Variants in GAD1 observed in about 807,000 individuals in gnomAD.
GAD1 encodes the protein 67 kDa glutamic acid decarboxylase.
A neutral mutation model predicts 75.2 loss-of-function variants in GAD1; 35 were observed. The observed-to-expected ratio is 0.47, with a 90% confidence interval of 0.36 to 0.62. The LOEUF (loss-of-function observed/expected upper bound fraction) is 0.62. GAD1 is among the 20% of genes least tolerant of loss of function. The pLI is 0.00. For missense variants in GAD1, 490 were observed against 758.5 expected, an observed-to-expected ratio of 0.65 and a Z score of 4.16; for synonymous variants, 257 against 271.9, an observed-to-expected ratio of 0.95 and a Z score of 0.54.
intron 15 of GAD1, 68 bp from the exon 16 acceptor site, chr2:170,858,736 T>C (rs1702902390): frequency 1.4e-6 from 2 of 1,428,344 alleles, no homozygotes; most frequent in African/African-American, 1.4e-5. Flanking sequence ...AGGATGCATA[T>C]TGGTTTGGGA....
chr2:170,822,924 G>A (rs1656836689), intron 3 of GAD1, among the ~76,000 whole-genome samples: 1 of 152,252 alleles, frequency 6.6e-6, no homozygotes, highest in South Asian at 2.1e-4. Flanking sequence ...GGGAGCTGGA[G>A]AGGAGAAAGA....
At chr2:170,830,122 G>A (rs1274914167) in intron 4 of GAD1, among the ~76,000 whole-genome samples, 1 of 152,148 alleles carries the variant, frequency 6.6e-6, no homozygotes, top group African/African-American at 2.4e-5. Flanking sequence ...TGCTTTACCA[G>A]TCTCTCCCAA....
chr2:170,828,146 TCACC>T, intron 3 of GAD1, among the ~76,000 whole-genome samples: 1 of 142,336 alleles, frequency 7.0e-6, no homozygotes, highest in Non-Finnish European at 1.5e-5. Flanking sequence ...TCTGCTGTCC[TCACC>T]CTCCTCCCTC....
intron 5 of GAD1, among the ~76,000 whole-genome samples, chr2:170,834,430 A>G (rs2105784234): frequency 6.6e-6 from 1 of 150,512 alleles, no homozygotes; most frequent in Non-Finnish European, 1.5e-5. Context: ...GATGGCATTT[A>G]GAAATTTCTC....
chr2:170,831,737 A>T (rs1036541851), intron 5 of GAD1, among the ~76,000 whole-genome samples: 1 of 145,506 alleles, frequency 6.9e-6, no homozygotes, highest in African/African-American at 2.5e-5. Flanking sequence ...AATTATAAAT[A>T]ATAAATATAA....
Position 170,836,798 on chromosome 2 carries a change from C to A in GAD1, c.553C>A (p.Pro185Thr). 6.2e-7 allele frequency: 1 copy of A among 1,612,888 alleles called. No homozygotes were observed. The highest frequency in any genetic ancestry group is 1.1e-5 in the South Asian group (1 of 91,058). Reference protein sequence around the residue: ...TLKYGVRTGHPRFFNQLSTGL... With the variant: ...TLKYGVRTGHTRFFNQLSTGL... ...CTTTTCTGTTTCCTATCTAGGTCAT[C>A]CTCGATTTTTCAACCAGCTCTCCAC... Residue 185 changes from proline (P) to threonine (T), a missense_variant, in exon 6 of 17, where the codon CCT (proline) becomes ACT (threonine). This residue lies in a region of GAD1 where 324 missense variants were observed against 523.9 expected (regional missense o/e 0.62). Transcript: ENST00000358196.
Position 170,859,663 on chromosome 2 carries a change from G to A in GAD1, c.1612-46G>A, listed in dbSNP as rs777333175. 7 of 1,583,936 alleles carry A rather than the reference G, an allele frequency of 4.4e-6. No homozygotes were observed. In the East Asian group the frequency reaches 1.6e-4, roughly 35 times the overall value. ...TGGGTTGAATTGTTAAAAAGAGAGG[G>A]TGTTCATATCAATCTTGAGTTTTGT... On this transcript the variant is annotated intron_variant, in intron 16 of 16. Coordinates refer to ENST00000358196, the MANE Select transcript of GAD1 (RefSeq NM_000817.3).
At chr2:170,829,226 G>A (rs1702155383) in intron 3 of GAD1, 1 of 538,524 alleles carries the variant, frequency 1.9e-6, no homozygotes, top group African/African-American at 1.9e-5. Flanking sequence ...ATTCAGAGAG[G>A]AGAACGGGCT....
intron 5 of GAD1, among the ~76,000 whole-genome samples, chr2:170,831,473 G>A (rs1702221470): frequency 6.6e-6 from 1 of 151,654 alleles, no homozygotes; most frequent in African/African-American, 2.4e-5. Context: ...TTTTCATTCT[G>A]GCCAAGCACA....
At chr2:170,859,520 T>G (rs1702917531) in intron 16 of GAD1, among the ~76,000 whole-genome samples, 189 bp from the exon 17 acceptor site, 1 of 152,228 alleles carries the variant, frequency 6.6e-6, no homozygotes, top group South Asian at 2.1e-4. Context: ...GGTTGCACAG[T>G]ACTTTCTGAG....
chr2:170,840,211 G>A (rs763543359), intron 6 of GAD1, among the ~76,000 whole-genome samples: 5 of 152,166 alleles, frequency 3.3e-5, no homozygotes, highest in Non-Finnish European at 7.3e-5. Flanking sequence ...AGTGCCTAGC[G>A]TATACAAGGT....
At position 170,835,993 on chromosome 2, in the gene GAD1, G is replaced by C. The variant is rs149143010; in HGVS notation, c.548-800G>C. ...TGCAGAGACTGGTATCTTCTGATAT[G>C]AGAAGTCATAGTCCAGATGTTCTGA... On this transcript the variant is annotated intron_variant, in intron 5 of 16. Coordinates refer to ENST00000358196, the MANE Select transcript of GAD1 (RefSeq NM_000817.3). Among the ~76,000 whole-genome samples, 465 of 152,270 alleles carry C rather than the reference G, an allele frequency of 3.1e-3. 2 individuals are homozygous for C. Among genetic ancestry groups the C allele is most frequent in the Non-Finnish European group, 5.6e-3 (383 of 68,022 alleles).
chr2:170,845,387 G>A (rs2105799191), intron 7 of GAD1, 119 bp from the exon 8 acceptor site: 2 of 869,366 alleles, frequency 2.3e-6, no homozygotes, highest in East Asian at 4.9e-5. Flanking sequence ...AAACCTATCA[G>A]GATATTATCC....
At position 170,859,750 on chromosome 2, in the gene GAD1, G is replaced by A. The variant is rs1001118169; in HGVS notation, c.1653G>A (p.Thr551=). Residue 551 remains threonine (T), a synonymous_variant, in exon 17 of 17, where the codon ACG becomes ACA. Coordinates refer to ENST00000358196, the MANE Select transcript of GAD1 (RefSeq NM_000817.3). ...KIKALMMESG[T]TMVGYQPQGD... ...AAGCCCTGATGATGGAGTCAGGTAC[G>A]ACCATGGTTGGCTACCAGCCCCAAG... is the stretch of plus-strand genomic sequence containing the variant. The A allele has an allele frequency of 5.6e-6, 9 of 1,614,052 alleles. No individual in the cohort carries two copies. Among genetic ancestry groups the A allele is most frequent in the East Asian group, 2.2e-5 (1 of 44,894 alleles).
At chr2:170,827,145 C>A (rs893462501) in intron 3 of GAD1, among the ~76,000 whole-genome samples, 30 of 152,158 alleles carry the variant, frequency 2.0e-4, no homozygotes, top group Admixed American at 6.5e-5. Flanking sequence ...GCCCCTGGCT[C>A]CCTTGTGTGG....
Position 170,860,048 on chromosome 2 carries a change from C to A in GAD1, c.*166C>A. ...CTTAAAGCTTGTTTGTTCTAGTTAGCAGGAAATAGTGTTCTTTTTAAAAAG... is the reference window on the plus strand; with the variant it reads ...CTTAAAGCTTGTTTGTTCTAGTTAGAAGGAAATAGTGTTCTTTTTAAAAAG... On this transcript the variant is annotated 3_prime_UTR_variant, in exon 17 of 17. Transcript: ENST00000358196. 1 of 709,808 alleles carries A rather than the reference C, an allele frequency of 1.4e-6. No homozygotes were observed. The highest frequency in any genetic ancestry group is 2.4e-6 in the Non-Finnish European group (1 of 417,148). The allele number at this position is 709,808 out of a possible 1,614,324, so 44.0% of individuals were successfully genotyped here.
intron 14 of GAD1, among the ~76,000 whole-genome samples, chr2:170,855,872 CAAAA>C (rs71008727): frequency 1.3e-3 from 144 of 111,644 alleles, no homozygotes; most frequent in Admixed American, 3.4e-3. Context: ...GACTCCATCT[CAAAA>C]AAAAAAAAAA....
intron 3 of GAD1, among the ~76,000 whole-genome samples, chr2:170,828,502 A>ATCTCCTCCCTCTGCTGTCCTTGC (rs1559272260): frequency 1.1e-4 from 3 of 28,336 alleles, no homozygotes; most frequent in African/African-American, 1.5e-4. Context: ...GCTGTCCTTG[A>ATCTCCTCCCTCTGCTGTCCTTGC]TCTCCTCCCT....
upstream of GAD1, among the ~76,000 whole-genome samples, chr2:170,815,191 G>C (rs1355656080): frequency 6.6e-6 from 1 of 152,134 alleles, no homozygotes; most frequent in Non-Finnish European, 1.5e-5. Context: ...AGCAGCTGCC[G>C]GTTGAGTGGT....
Sources: gnomAD v4.1 joint callset for allele counts (sites outside exome capture counted in the v4.1 genomes callset) on GRCh38, gnomAD v4.1.1 for gene constraint, gnomAD v4.1.1 regional missense constraint, MANE v1.5 for transcripts, NCBI Gene and HGNC (gene_info 2026-07-23, HGNC 2026-07-21) for gene names.